Variants in MBP observed in about 807,000 individuals in gnomAD.
The protein encoded by MBP is myelin basic protein.
Under a neutral mutation model 35.8 loss-of-function variants are expected in MBP, and 16 were observed. The ratio of observed to expected loss-of-function variants is 0.45; its 90% CI spans 0.30 to 0.68. The LOEUF is 0.68. Ranked by LOEUF, MBP falls within the 30% of genes least tolerant of loss-of-function variation. The pLI is 0.08. For missense variants in MBP, 380 were observed against 404.7 expected (o/e 0.94, Z 0.52); for synonymous variants, 143 against 159.6 (o/e 0.90, Z 0.78).
chr18:77,108,620 T>C (rs1055554838), intron 1 of MBP: 9 of 152,220 alleles, frequency 5.9e-5, no homozygotes, highest in African/African-American at 7.2e-5. Context: ...AGGGTTAACA[T>C]TGGGCACAGG....
Position 76,988,825 on chromosome 18 carries a change from G to A in MBP, c.717+52C>T. 1 of 1,565,036 alleles carries A rather than the reference G, an allele frequency of 6.4e-7. No homozygotes were observed. The highest frequency in any genetic ancestry group is 8.7e-7 in the Non-Finnish European group (1 of 1,145,152). ...CTCTTTGGTACATTATGGGATTTTA[G>A]AGAAGGTCTATCAGAAAAGTGATGA... is the stretch of plus-strand genomic sequence containing the variant. On this transcript the variant is annotated intron_variant, in intron 6 of 8. Coordinates refer to ENST00000355994, the MANE Select transcript of MBP (RefSeq NM_001025101.2). This position sits in a 1 kb window ranked among gnomAD's most constrained non-coding sequence, Gnocchi z 5.2.
intron 1 of MBP, chr18:77,112,889 G>C (rs979538076): frequency 6.6e-6 from 1 of 152,220 alleles, no homozygotes; most frequent in Admixed American, 6.5e-5. Flanking sequence ...GGTCATCCTG[G>C]ATTACAGTGG....
chr18:76,991,814 T>C (rs1969941123), intron 4 of MBP, among the ~76,000 whole-genome samples: 1 of 152,172 alleles, frequency 6.6e-6, no homozygotes, highest in Admixed American at 6.5e-5. Flanking sequence ...AGTATTTCCC[T>C]CCAGTCTGTC....
chr18:77,016,026 C>T lies in MBP; in HGVS notation c.576+806G>A, dbSNP rs182667708. The stretch of plus-strand genomic sequence containing the variant: ...CAACCACCAAACACTCTAAACATCA[C>T]GTAAAATACTGCATCTGCAATCTGA... On this transcript the variant is annotated intron_variant, in intron 4 of 8. Transcript: ENST00000355994. 93 of 985,422 alleles carry T rather than the reference C, an allele frequency of 9.4e-5. No individual in the cohort carries two copies. The East Asian group carries it at 4.1e-3, about 43-fold the overall frequency. The allele number at this position is 985,422 out of a possible 1,614,324, so 61.0% of individuals were successfully genotyped here. A position where few individuals can be genotyped will look rare whatever the true frequency, so the allele number is the denominator to read the frequency against.
intron 2 of MBP, among the ~76,000 whole-genome samples, chr18:77,072,140 C>T (rs920675284): frequency 4.6e-5 from 7 of 152,228 alleles, no homozygotes; most frequent in Middle Eastern, 3.4e-3. Flanking sequence ...ATCCTGCCGG[C>T]GTACACACCC....
At chr18:77,052,006 A>G (rs918510955) in intron 3 of MBP, among the ~76,000 whole-genome samples, 1 of 152,188 alleles carries the variant, frequency 6.6e-6, no homozygotes, top group Non-Finnish European at 1.5e-5. Flanking sequence ...GGCATCTTAA[A>G]AAAAGGTTAT....
intron 1 of MBP, among the ~76,000 whole-genome samples, chr18:77,117,760 G>A (rs34783785): frequency 0.29 from 27,944 of 96,862 alleles, 5,113 homozygotes; most frequent in South Asian, 0.41. Flanking sequence ...GATAGGGGAC[G>A]GTGCGTTGGA....
chr18:77,086,306 T>C (rs1975233385), intron 2 of MBP, among the ~76,000 whole-genome samples: 1 of 152,206 alleles, frequency 6.6e-6, no homozygotes, highest in Non-Finnish European at 1.5e-5. Context: ...ACTGCATGTG[T>C]TCCAAAGAGT....
At chr18:77,012,467 A>C (rs1439075620) in intron 4 of MBP, among the ~76,000 whole-genome samples, 1 of 152,244 alleles carries the variant, frequency 6.6e-6, no homozygotes, top group African/African-American at 2.4e-5. Flanking sequence ...CCATAGAAAG[A>C]CCAGAACACC....
At chr18:77,052,336 T>C (rs925067037) in intron 3 of MBP, among the ~76,000 whole-genome samples, 1 of 151,916 alleles carries the variant, frequency 6.6e-6, no homozygotes, top group African/African-American at 2.4e-5. Context: ...ATCGGGGGGG[T>C]AAGACAAAGG....
intron 1 of MBP, among the ~76,000 whole-genome samples, chr18:77,118,753 ACAC>A (rs1376633920): frequency 2.7e-5 from 4 of 147,504 alleles, no homozygotes; most frequent in African/African-American, 7.6e-5. Context: ...CACCACACAC[ACAC>A]CACACACACA....
chr18:77,028,442 T>TC (rs1972330247), intron 3 of MBP, among the ~76,000 whole-genome samples: 1 of 95,036 alleles, frequency 1.1e-5, no homozygotes, highest in Non-Finnish European at 2.6e-5. Context: ...TCCCCACCTT[T>TC]CCCCCCTTTC....
rs963971934 is a variant in MBP, at chr18:76,990,133, G to C, written c.577-73C>G. 4 of 929,478 alleles carry C rather than the reference G, an allele frequency of 4.3e-6. No individual in the cohort carries two copies. The Admixed American group carries it at 6.9e-5, about 16-fold the overall frequency. 57.6% of individuals were successfully genotyped at this position (929,478 alleles called of 1,614,324 possible). A position where few individuals can be genotyped will look rare whatever the true frequency, so the allele number is the denominator to read the frequency against. On this transcript the variant is annotated intron_variant, in intron 4 of 8. Coordinates refer to ENST00000355994, the MANE Select transcript of MBP (RefSeq NM_001025101.2). The stretch of plus-strand genomic sequence containing the variant: ...CGGCTTGTCCTCCTCAGGGAAGCTG[G>C]ATCTCTCCTCCTTTGTAATCTGGAT...
At chr18:76,982,421 T>C (rs566618891) in intron 8 of MBP, 1 of 152,368 alleles carries the variant, frequency 6.6e-6, no homozygotes, top group Admixed American at 6.5e-5. Flanking sequence ...TGCCTCCACT[T>C]TGACATCTCA....
At chr18:77,066,454 G>T in intron 2 of MBP, 69 bp from the exon 3 acceptor site, 1 of 969,008 alleles carries the variant, frequency 1.0e-6, no homozygotes, top group Non-Finnish European at 1.7e-6. Flanking sequence ...TAATTGTAAT[G>T]CATTTGTCTC....
At chr18:77,050,702 C>T (rs12959308) in intron 3 of MBP, among the ~76,000 whole-genome samples, 4 of 152,008 alleles carry the variant, frequency 2.6e-5, no homozygotes, top group East Asian at 1.9e-4. Context: ...CGTGCCATCA[C>T]GCCCAGCTAA....
intron 8 of MBP, chr18:76,983,750 C>G (rs1969355674): frequency 6.6e-6 from 1 of 152,236 alleles, no homozygotes; most frequent in Non-Finnish European, 1.5e-5. Flanking sequence ...CTCCCAGAAT[C>G]GAGGCTCACG....
At position 77,076,392 on chromosome 18, in the gene MBP, G is replaced by A. The variant is rs537808491; in HGVS notation, c.52-10007C>T. Among the ~76,000 whole-genome samples, 5 of 152,362 alleles carry A rather than the reference G, an allele frequency of 3.3e-5. No homozygotes were observed. The South Asian group carries it at 6.2e-4, about 19-fold the overall frequency. ...AGGCTCTGAGGCCACATGGAGAGGGGAGCCCAGTAGGGCAGTTTTTCAGCA... is the reference window on the plus strand; with the variant it reads ...AGGCTCTGAGGCCACATGGAGAGGGAAGCCCAGTAGGGCAGTTTTTCAGCA... On this transcript the variant is annotated intron_variant, in intron 2 of 8. Coordinates refer to ENST00000355994, the MANE Select transcript of MBP (RefSeq NM_001025101.2).
intron 2 of MBP, among the ~76,000 whole-genome samples, chr18:77,081,921 G>A (rs1220422549): frequency 6.7e-6 from 1 of 150,268 alleles, no homozygotes; most frequent in African/African-American, 2.5e-5. Flanking sequence ...GCATGATCTT[G>A]GCTCACTGCA....
Sources: gnomAD v4.1 joint callset for allele counts (sites outside exome capture counted in the v4.1 genomes callset) on GRCh38, gnomAD v4.1.1 for gene constraint, Gnocchi (gnomAD v3.1) non-coding constraint, MANE v1.5 for transcripts, NCBI Gene and HGNC (gene_info 2026-07-23, HGNC 2026-07-21) for gene names.